PPM1F: variants seen among roughly 807,000 people sequenced by gnomAD.
The protein encoded by PPM1F is protein phosphatase 1F.
PPM1F carries 17 observed loss-of-function variants against 35.5 expected under a neutral mutation model. The ratio of observed to expected loss-of-function variants is 0.48; its 90% CI spans 0.33 to 0.72. The LOEUF (loss-of-function observed/expected upper bound fraction) is 0.72. Ranked by LOEUF, PPM1F falls within the 30% of genes least tolerant of loss-of-function variation. The pLI is 0.02. For synonymous variants in PPM1F, 241 were observed against 255.5 expected (o/e 0.94, Z 0.54); for missense variants, 521 against 613.0 (o/e 0.85, Z 1.59).
rs1454960398 is a variant in PPM1F at position 21,920,354 on chromosome 22, G to A, written c.*2738C>T. On this transcript the variant is annotated 3_prime_UTR_variant, in exon 8 of 8. Coordinates refer to ENST00000263212, the MANE Select transcript of PPM1F (RefSeq NM_014634.4). ...TCAGCTCACACAAGGAACAAGTGGA[G>A]AGCTGGGCTGGAGAAAGGATTACAA... is the stretch of plus-strand genomic sequence containing the variant. 1 of 152,682 alleles carries A rather than the reference G, an allele frequency of 6.5e-6. No individual in the cohort carries two copies. The highest frequency in any genetic ancestry group is 1.5e-5 in the Non-Finnish European group (1 of 68,082). 9.5% of individuals were successfully genotyped at this position (152,682 alleles called of 1,614,324 possible).
At chr22:21,936,685 C>T (rs1282177402) in intron 3 of PPM1F, 3 of 152,216 alleles carry the variant, frequency 2.0e-5, no homozygotes, top group African/African-American at 4.8e-5. Flanking sequence ...AGCAGCGCCA[C>T]GGAGAGTCCA....
rs139013152 is a variant in PPM1F at position 21,946,008 on chromosome 22, C to G, written c.41G>C (p.Ser14Thr). ...GAPQKSSPMA[S>T]GAEETPGFLD... is the part of the protein sequence containing the mutation. ...GAAGCCTGGGGTCTCCTCAGCTCCA[C>G]TGGCCATTGGGCTGCTCTTCTGTGG... Residue 14 changes from serine to threonine, a missense_variant, in exon 2 of 8, where the codon AGT becomes ACT. Transcript: ENST00000263212. The G allele has an allele frequency of 8.1e-4, 1,299 of 1,594,940 alleles. 8 individuals are homozygous for G. Among genetic ancestry groups the G allele is most frequent in the Middle Eastern group, 3.9e-3 (23 of 5,872 alleles).
Position 21,921,743 on chromosome 22 carries a change from C to T in PPM1F, c.*1349G>A, listed in dbSNP as rs2070450351. On this transcript the variant is annotated 3_prime_UTR_variant, in exon 8 of 8. Transcript: ENST00000263212. ...CGGGCTGCCTCTGTGCTTGCCTGAG[C>T]CTCTTAATTAAGAGTCTTTCCCAAT... The T allele has an allele frequency of 6.6e-6, 1 of 152,256 alleles. No individual in the cohort carries two copies. The highest frequency in any genetic ancestry group is 2.1e-4 in the South Asian group (1 of 4,832). 9.4% of individuals were successfully genotyped at this position (152,256 alleles called of 1,614,324 possible).
intron 1 of PPM1F, chr22:21,946,664 C>T (rs2070780756): frequency 6.6e-6 from 1 of 152,068 alleles, no homozygotes; most frequent in Non-Finnish European, 1.5e-5. Flanking sequence ...AAGGGATCCC[C>T]AGAGGCTGCT....
At chr22:21,938,068 T>G in intron 3 of PPM1F, 1 of 1,267,648 alleles carries the variant, frequency 7.9e-7, no homozygotes, top group Non-Finnish European at 1.0e-6. Context: ...CAGGCCTGCA[T>G]GCGAGGCACT....
intron 3 of PPM1F, chr22:21,936,461 G>T (rs1483604490): frequency 1.3e-5 from 2 of 152,212 alleles, no homozygotes; most frequent in Non-Finnish European, 2.9e-5. Context: ...TGGCTTTAAA[G>T]CATGTCCACA....
intron 3 of PPM1F, chr22:21,938,081 G>A: frequency 7.8e-7 from 1 of 1,283,408 alleles, no homozygotes; most frequent in South Asian, 1.3e-5. Context: ...GAGGCACTCT[G>A]ACAGACGGGG....
chr22:21,945,821 C>CT, intron 2 of PPM1F, 22 bp downstream of exon 2: 1 of 1,603,664 alleles, frequency 6.2e-7, no homozygotes, highest in Non-Finnish European at 8.5e-7. Flanking sequence ...TCCCCGTCCC[C>CT]TTTGGGGGTG....
At chr22:21,943,901 C>T (rs2329885) in intron 2 of PPM1F, 2,144 of 152,438 alleles carry the variant, frequency 0.014, 24 homozygotes, top group Non-Finnish European at 0.022. Flanking sequence ...TGGCTTTGCC[C>T]GGTCACCTCA....
intron 3 of PPM1F, chr22:21,938,660 C>T: frequency 1.0e-6 from 1 of 968,020 alleles, no homozygotes; most frequent in Non-Finnish European, 1.3e-6. Flanking sequence ...TCCACTGCAA[C>T]TCTGCTGCCT....
At chr22:21,928,010 G>A (rs1211319739) in intron 6 of PPM1F, among the ~76,000 whole-genome samples, 1 of 124,754 alleles carries the variant, frequency 8.0e-6, no homozygotes, top group African/African-American at 3.1e-5. Context: ...CTGGAGTGCA[G>A]TGTCATGAAC....
At chr22:21,925,760 G>T in intron 6 of PPM1F, 98 bp from the exon 7 acceptor site, 2 of 960,032 alleles carry the variant, frequency 2.1e-6, no homozygotes, top group Non-Finnish European at 3.0e-6. Flanking sequence ...TTCTAAGACA[G>T]CAGCATTCAA....
At position 21,920,457 on chromosome 22, in the gene PPM1F, C is replaced by G. The variant is rs1461215978; in HGVS notation, c.*2635G>C. Reference sequence around the variant, plus strand: ...AGAAGGTCGCCCCGGAGGTTGGAGGCTGAAGACACCTGGTGCTTCTTGGTG... The same window carrying G: ...AGAAGGTCGCCCCGGAGGTTGGAGGGTGAAGACACCTGGTGCTTCTTGGTG... On this transcript the variant is annotated 3_prime_UTR_variant, in exon 8 of 8. Transcript: ENST00000263212. The G allele has an allele frequency of 6.6e-6, 1 of 152,630 alleles. No individual in the cohort carries two copies. Among genetic ancestry groups the G allele is most frequent in the African/African-American group, 2.4e-5 (1 of 41,478 alleles). The allele number at this position is 152,630 out of a possible 1,614,324, so 9.5% of individuals were successfully genotyped here.
chr22:21,929,242 G>T (rs1249656475), intron 6 of PPM1F, among the ~76,000 whole-genome samples: 2 of 152,186 alleles, frequency 1.3e-5, no homozygotes, highest in African/African-American at 2.4e-5. Context: ...AGCCTACAGA[G>T]CATGGCGGCA....
chr22:21,931,662 A>G (rs2145796102), intron 5 of PPM1F, among the ~76,000 whole-genome samples: 1 of 151,018 alleles, frequency 6.6e-6, no homozygotes, highest in Non-Finnish European at 1.5e-5. Flanking sequence ...ACAGGCGTAC[A>G]GCACCACGCC....
intron 5 of PPM1F, 64 bp from the exon 6 acceptor site, chr22:21,931,355 G>C: frequency 6.8e-7 from 1 of 1,479,636 alleles, no homozygotes; most frequent in Non-Finnish European, 9.2e-7. Context: ...ATGACACGGG[G>C]CAGGATGAAG....
At chr22:21,924,893 T>A (rs2070493516) in intron 7 of PPM1F, 1 of 149,382 alleles carries the variant, frequency 6.7e-6, no homozygotes, top group African/African-American at 2.5e-5. Context: ...TTAAAATTTT[T>A]ATTTATTTTT....
At chr22:21,924,310 C>G (rs1049176592) in intron 7 of PPM1F, among the ~76,000 whole-genome samples, 4 of 151,792 alleles carry the variant, frequency 2.6e-5, no homozygotes, top group South Asian at 4.2e-4. Context: ...TCTTGTCGCC[C>G]AGGCTGCAGT....
intron 2 of PPM1F, chr22:21,945,061 G>C (rs1262026369): frequency 6.6e-6 from 1 of 152,278 alleles, no homozygotes; most frequent in Non-Finnish European, 1.5e-5. Context: ...TCCATCACAC[G>C]GATCGGAAAC....
Sources: gnomAD v4.1 joint callset for allele counts (sites outside exome capture counted in the v4.1 genomes callset) on GRCh38, gnomAD v4.1.1 for gene constraint, MANE v1.5 for transcripts, NCBI Gene and HGNC (gene_info 2026-07-23, HGNC 2026-07-21) for gene names.